CSTPP1: variants seen among roughly 807,000 people sequenced by gnomAD.
The protein encoded by CSTPP1 is centriolar satellite-associated tubulin polyglutamylase complex regulator 1.
At chr11:47,081,573 A>C in the CSTPP1 span, among the ~76,000 whole-genome samples, 1 of 152,154 alleles carries the variant, frequency 6.6e-6, no homozygotes, top group African/African-American at 2.4e-5. Flanking sequence ...TCTCTCCATC[A>C]CCACACTCTT....
the CSTPP1 span, among the ~76,000 whole-genome samples, chr11:46,954,162 G>GA: frequency 1.3e-5 from 2 of 152,206 alleles, no homozygotes; most frequent in African/African-American, 2.4e-5. Flanking sequence ...ATTGGTAAAA[G>GA]AAAAAATACA....
At chr11:47,117,735 T>C in the CSTPP1 span, among the ~76,000 whole-genome samples, 3 of 152,152 alleles carry the variant, frequency 2.0e-5, no homozygotes, top group East Asian at 5.8e-4. Flanking sequence ...TTTCCAACTT[T>C]GTTCTATTCT....
At chr11:47,131,748 G>A in the CSTPP1 span, among the ~76,000 whole-genome samples, 32 of 152,114 alleles carry the variant, frequency 2.1e-4, no homozygotes, top group African/African-American at 7.2e-4. Flanking sequence ...AGGCTGAGGC[G>A]GGTGGATCAC....
At chr11:47,039,095 C>T in the CSTPP1 span, among the ~76,000 whole-genome samples, 2 of 126,088 alleles carry the variant, frequency 1.6e-5, no homozygotes, top group African/African-American at 5.0e-5. Flanking sequence ...ACTTCCCAGA[C>T]GGGGTGGCGG....
the CSTPP1 span, among the ~76,000 whole-genome samples, chr11:47,074,521 A>C: frequency 2.1e-5 from 3 of 146,076 alleles, no homozygotes; most frequent in Non-Finnish European, 3.0e-5. Context: ...AAAAAAAAAA[A>C]CAGAAAAAAA....
chr11:47,127,154 G>C, the CSTPP1 span, among the ~76,000 whole-genome samples: 2 of 152,116 alleles, frequency 1.3e-5, no homozygotes, highest in Non-Finnish European at 1.5e-5. Context: ...TGAATGAGAA[G>C]GCTTGATCTG....
At chr11:47,043,983 T>TTTTA in the CSTPP1 span, among the ~76,000 whole-genome samples, 105 of 152,238 alleles carry the variant, frequency 6.9e-4, no homozygotes, top group African/African-American at 2.4e-3. Context: ...GTAGGTTTAT[T>TTTTA]TTTATTTATT....
the CSTPP1 span, among the ~76,000 whole-genome samples, chr11:47,106,948 C>T: frequency 1.3e-5 from 2 of 152,158 alleles, no homozygotes; most frequent in Non-Finnish European, 2.9e-5. Flanking sequence ...ATGGCTGTGC[C>T]TTCTTATGGC....
the CSTPP1 span, among the ~76,000 whole-genome samples, chr11:47,090,205 G>A: frequency 6.6e-6 from 1 of 152,052 alleles, no homozygotes; most frequent in African/African-American, 2.4e-5. Context: ...GGCTGGTCTC[G>A]AACTCCCGAC....
At chr11:47,056,176 G>T in the CSTPP1 span, among the ~76,000 whole-genome samples, 3 of 152,030 alleles carry the variant, frequency 2.0e-5, no homozygotes, top group Non-Finnish European at 2.9e-5. Flanking sequence ...CCGTATACAG[G>T]GCTTCATATC....
chr11:47,103,469 A>T, the CSTPP1 span, among the ~76,000 whole-genome samples: 1 of 152,046 alleles, frequency 6.6e-6, no homozygotes, highest in Non-Finnish European at 1.5e-5. Context: ...AGTACTTAAG[A>T]AATTTTAAGT....
the CSTPP1 span, among the ~76,000 whole-genome samples, chr11:46,994,336 G>C: frequency 6.6e-6 from 1 of 152,268 alleles, no homozygotes; most frequent in South Asian, 2.1e-4. Context: ...TGGTGAGAGA[G>C]GGCATCCCTG....
chr11:47,129,273 G>A, the CSTPP1 span, among the ~76,000 whole-genome samples: 1 of 152,144 alleles, frequency 6.6e-6, no homozygotes. Flanking sequence ...CAAATTCTAG[G>A]CTGGAGTCAC....
At chr11:46,978,441 A>G in the CSTPP1 span, among the ~76,000 whole-genome samples, 1 of 152,218 alleles carries the variant, frequency 6.6e-6, no homozygotes, top group Non-Finnish European at 1.5e-5. Context: ...TTGTTCTAGT[A>G]AAACAGATCC....
chr11:47,125,873 C>T, the CSTPP1 span, among the ~76,000 whole-genome samples: 2 of 151,982 alleles, frequency 1.3e-5, no homozygotes, highest in African/African-American at 2.4e-5. Context: ...AAAAATTAGC[C>T]GGGCACGGTG....
chr11:47,144,409 C>T, the CSTPP1 span, among the ~76,000 whole-genome samples: 1 of 152,012 alleles, frequency 6.6e-6, no homozygotes, highest in Non-Finnish European at 1.5e-5. Flanking sequence ...AGGCTGGTCT[C>T]GAACTCCTGA....
At chr11:47,136,683 T>C in the CSTPP1 span, among the ~76,000 whole-genome samples, 3 of 152,154 alleles carry the variant, frequency 2.0e-5, no homozygotes, top group African/African-American at 7.2e-5. Flanking sequence ...TCCCCAAATG[T>C]AGCCATGCCC....
At chr11:47,065,630 G>A in the CSTPP1 span, among the ~76,000 whole-genome samples, 4 of 151,900 alleles carry the variant, frequency 2.6e-5, no homozygotes, top group Non-Finnish European at 4.4e-5. Context: ...CACCTCCTTG[G>A]TTAAATTTAT....
chr11:47,162,765 G>A, the CSTPP1 span, among the ~76,000 whole-genome samples: 2 of 152,216 alleles, frequency 1.3e-5, no homozygotes, highest in Middle Eastern at 3.4e-3. Flanking sequence ...TCCTCTGAAG[G>A]TGGATGTCAC....
Sources: gnomAD v4.1 joint callset for allele counts (sites outside exome capture counted in the v4.1 genomes callset) on GRCh38, gnomAD v4.1.1 for gene constraint, MANE v1.5 for transcripts, NCBI Gene and HGNC (gene_info 2026-07-23, HGNC 2026-07-21) for gene names.